The following SH3BGRL2 variants were observed in gnomAD, a reference collection of about 807,000 sequenced individuals.
SH3BGRL2 encodes SH3 domain-binding glutamic acid-rich-like protein 2.
SH3BGRL2 carries 21 observed loss-of-function variants against 14.8 expected under a neutral mutation model. That is an observed-to-expected ratio of 1.42 (90% CI 1.01 to 2.05). The LOEUF is 2.05. SH3BGRL2 is among the 30% of genes most tolerant of loss of function. The probability of loss-of-function intolerance (pLI) is 0.00; values close to 1 mark genes in which losing one functional copy is unlikely to be tolerated. For synonymous variants in SH3BGRL2, 50 were observed against 47.8 expected (o/e 1.05, Z -0.19); for missense variants, 147 against 130.8 (o/e 1.12, Z -0.61).
the SH3BGRL2 span, among the ~76,000 whole-genome samples, chr6:79,554,247 A>G: frequency 2.0e-5 from 3 of 152,168 alleles, no homozygotes; most frequent in South Asian, 4.1e-4. Context: ...TTAATACCAT[A>G]TCATTATGAT....
intron 2 of SH3BGRL2, among the ~76,000 whole-genome samples, chr6:79,692,060 A>G (rs1770229975): frequency 6.6e-6 from 1 of 152,194 alleles, no homozygotes. Context: ...AACTGGTGTG[A>G]GATGGTATCT....
Position 79,694,463 on chromosome 6 carries a change from A to G in SH3BGRL2, c.232-2022A>G, listed in dbSNP as rs903151658. Among the ~76,000 whole-genome samples the G allele has an allele frequency of 3.9e-5, 6 of 152,308 alleles. No individual in the cohort carries two copies. In the South Asian group the frequency reaches 1.2e-3, roughly 32 times the overall value. ...TTTCAGTCCATGAGATTTTGCCTGTATTTCATGTCAAACTTTGACCTGTTT... is the reference window on the plus strand; with the variant it reads ...TTTCAGTCCATGAGATTTTGCCTGTGTTTCATGTCAAACTTTGACCTGTTT... On this transcript the variant is annotated intron_variant, in intron 2 of 3. Transcript: ENST00000369838.
the SH3BGRL2 span, among the ~76,000 whole-genome samples, chr6:79,625,237 C>CATAT: frequency 0.015 from 2,297 of 150,398 alleles, 67 homozygotes; most frequent in Admixed American, 0.06. Context: ...TATATATACA[C>CATAT]ATATATATAT....
chr6:79,651,902 ATAACTCAT>A (rs1769304985), intron 1 of SH3BGRL2, among the ~76,000 whole-genome samples: 1 of 152,180 alleles, frequency 6.6e-6, no homozygotes, highest in Non-Finnish European at 1.5e-5. Context: ...TTTGGGCTAG[ATAACTCAT>A]TATTGTGAGG....
chr6:79,654,627 T>G (rs142015584), intron 1 of SH3BGRL2, among the ~76,000 whole-genome samples: 25 of 152,316 alleles, frequency 1.6e-4, no homozygotes, highest in African/African-American at 5.3e-4. Context: ...TCATCTTGGT[T>G]GTTGTTCTTG....
At chr6:79,657,501 C>T (rs981570236) in intron 1 of SH3BGRL2, among the ~76,000 whole-genome samples, 5 of 152,150 alleles carry the variant, frequency 3.3e-5, no homozygotes, top group South Asian at 2.1e-4. Context: ...CTGTGGAAGA[C>T]GCTGATTTTA....
the SH3BGRL2 span, among the ~76,000 whole-genome samples, chr6:79,566,789 C>G: frequency 2.0e-5 from 3 of 151,202 alleles, no homozygotes. Flanking sequence ...GGTGGCTACT[C>G]AAAACGCTGA....
intron 1 of SH3BGRL2, among the ~76,000 whole-genome samples, chr6:79,641,150 TTGTGTGTGTGTGTGTGTGTGTG>T (rs373404859): frequency 6.4e-5 from 9 of 141,312 alleles, no homozygotes; most frequent in Admixed American, 2.1e-4. Context: ...TCTCACCCTT[TTGTGTGTGTGTGTGTGTGTGTG>T]TGTGTGTGTG....
chr6:79,596,234 C>T, the SH3BGRL2 span, among the ~76,000 whole-genome samples: 1 of 152,218 alleles, frequency 6.6e-6, no homozygotes, highest in South Asian at 2.1e-4. Context: ...TCACGGATTA[C>T]TGCAGCCTCG....
At chr6:79,557,610 A>G in the SH3BGRL2 span, among the ~76,000 whole-genome samples, 2 of 152,294 alleles carry the variant, frequency 1.3e-5, no homozygotes, top group African/African-American at 4.8e-5. Context: ...AATATCATGT[A>G]ATAGTCTTCC....
chr6:79,562,703 A>T, the SH3BGRL2 span, among the ~76,000 whole-genome samples: 1 of 152,192 alleles, frequency 6.6e-6, no homozygotes, highest in African/African-American at 2.4e-5. Context: ...CTGTACTGGG[A>T]TGTCTGATCT....
At chr6:79,575,568 A>C in the SH3BGRL2 span, 1 of 152,114 alleles carries the variant, frequency 6.6e-6, no homozygotes, top group Non-Finnish European at 1.5e-5. Flanking sequence ...GAAATTATTG[A>C]GTGGACTTTC....
chr6:79,608,835 A>G, the SH3BGRL2 span, among the ~76,000 whole-genome samples: 2 of 152,170 alleles, frequency 1.3e-5, no homozygotes, highest in Non-Finnish European at 2.9e-5. Context: ...TAGATATAGG[A>G]CACAGTTCGA....
the SH3BGRL2 span, among the ~76,000 whole-genome samples, chr6:79,562,797 A>T: frequency 1.6e-4 from 24 of 152,334 alleles, no homozygotes; most frequent in Admixed American, 6.5e-4. Context: ...AAGTTTTTTT[A>T]AAAACCAAAA....
the SH3BGRL2 span, among the ~76,000 whole-genome samples, chr6:79,555,117 C>T: frequency 6.6e-6 from 1 of 152,042 alleles, no homozygotes; most frequent in East Asian, 1.9e-4. Flanking sequence ...GATTTATAGG[C>T]TAATTGGCAT....
Position 79,684,274 on chromosome 6 carries a change from T to C in SH3BGRL2, c.231+10475T>C, listed in dbSNP as rs376013894. ...TCTCTCAAAGCTCAATCCAAAGGTG[T>C]GTTGTTATTACACTTTCTGTAATTA... On this transcript the variant is annotated intron_variant, in intron 2 of 3. Transcript: ENST00000369838. 2.0e-5 allele frequency among the ~76,000 whole-genome samples: 3 copies of C among 152,212 alleles called. No individual in the cohort carries two copies. In the East Asian group the frequency reaches 5.8e-4, roughly 29 times the overall value.
chr6:79,554,913 TATATGCACAA>T, the SH3BGRL2 span, among the ~76,000 whole-genome samples: 1 of 149,378 alleles, frequency 6.7e-6, no homozygotes, highest in African/African-American at 2.4e-5. Flanking sequence ...GCAATATTAT[TATATGCACAA>T]ATATTATTAT....
the SH3BGRL2 span, among the ~76,000 whole-genome samples, chr6:79,562,174 C>T: frequency 0.99 from 150,354 of 152,272 alleles, 74,258 homozygotes; most frequent in East Asian, 1. Context: ...TTTGTGTAGT[C>T]CTGTAGAAAT....
the SH3BGRL2 span, among the ~76,000 whole-genome samples, chr6:79,571,966 A>T: frequency 6.6e-6 from 1 of 152,150 alleles, no homozygotes; most frequent in Non-Finnish European, 1.5e-5. Flanking sequence ...GAATACAGAG[A>T]ATTTCCATAC....
Sources: gnomAD v4.1 joint callset for allele counts (sites outside exome capture counted in the v4.1 genomes callset) on GRCh38, gnomAD v4.1.1 for gene constraint, MANE v1.5 for transcripts, NCBI Gene and HGNC (gene_info 2026-07-23, HGNC 2026-07-21) for gene names.